INPP5E: variants seen among roughly 807,000 people sequenced by gnomAD.
INPP5E encodes inositol polyphosphate-5-phosphatase E, also known as phosphatidylinositol polyphosphate 5-phosphatase type IV.
In INPP5E, 34 loss-of-function variants were observed where a neutral mutation model predicts 50.5. That is an observed-to-expected ratio of 0.67 (90% CI 0.51 to 0.90). INPP5E has a LOEUF of 0.90. Among genes scored for constraint, INPP5E ranks in the 40% least tolerant of loss-of-function variants. INPP5E has a pLI of 0.00. For missense variants in INPP5E, 942 were observed against 905.5 expected, an observed-to-expected ratio of 1.04 and a Z score of -0.52; for synonymous variants, 447 against 406.0, an observed-to-expected ratio of 1.10 and a Z score of -1.21.
At chr9:136,437,254 A>T (rs549426588) in intron 1 of INPP5E, 1 of 152,280 alleles carries the variant, frequency 6.6e-6, no homozygotes, top group Non-Finnish European at 1.5e-5. Flanking sequence ...TGAGCTGAAC[A>T]GTGATCCCCA....
intron 2 of INPP5E, among the ~76,000 whole-genome samples, 185 bp downstream of exon 2, chr9:136,434,554 GA>G (rs1185204145): frequency 6.6e-6 from 1 of 152,142 alleles, no homozygotes; most frequent in Admixed American, 6.5e-5. Context: ...GTGCAGGTGG[GA>G]GCTCTGGGGG....
rs1835914150 is a variant in INPP5E, at chr9:136,438,958, C to T, written c.462G>A (p.Pro154=). ...CAGAGAGAGGGTTACCCCCCGAGGA[C>T]GGGCTCCCTCTCTCACTGCTCAGGA... ...RGVLSSERGS[P]SSGGNPLSGV... Residue 154 remains proline (P), a synonymous_variant, in exon 1 of 10, where the codon CCG becomes CCA. Coordinates refer to ENST00000371712, the MANE Select transcript of INPP5E (RefSeq NM_019892.6). 1.9e-5 allele frequency: 30 copies of T among 1,571,900 alleles called. No homozygotes were observed. The highest frequency in any genetic ancestry group is 2.5e-5 in the Non-Finnish European group (29 of 1,159,034).
At chr9:136,433,308 G>T in intron 3 of INPP5E, 29 bp from the exon 4 acceptor site, 1 of 1,558,806 alleles carries the variant, frequency 6.4e-7, no homozygotes, top group South Asian at 1.2e-5. Flanking sequence ...GGCCGGCTGG[G>T]GGACATGGCC....
intron 9 of INPP5E, 47 bp from the exon 10 acceptor site, chr9:136,429,854 A>C: frequency 2.3e-6 from 3 of 1,281,340 alleles, no homozygotes; most frequent in East Asian, 3.0e-5. Context: ...GGCCAGGAGG[A>C]GGGGGCGTTA....
At chr9:136,430,090 C>T (rs1835664088) in intron 9 of INPP5E, among the ~76,000 whole-genome samples, 187 bp downstream of exon 9, 1 of 152,230 alleles carries the variant, frequency 6.6e-6, no homozygotes, top group African/African-American at 2.4e-5. Flanking sequence ...CTTCACTTTC[C>T]AGAGCCTCTC....
In INPP5E at chr9:136,438,756, G is replaced by A; in HGVS notation, c.664C>T (p.Arg222Cys). The A allele has an allele frequency of 6.2e-7, 1 of 1,611,598 alleles. No individual in the cohort carries two copies. Among genetic ancestry groups the A allele is most frequent in the South Asian group, 1.1e-5 (1 of 91,006 alleles). The change falls in exon 1 of 10, where the codon CGC becomes TGC. Residue 222 changes from arginine to cysteine, a missense_variant. By Grantham distance (180) the Arg-to-Cys change is radical. Transcript: ENST00000371712. ...VDSDLADYKL[R>C]AQPLLVRAHS... is the part of the protein sequence containing the mutation. Reference sequence around the variant, plus strand: ...GCCCGCACCAGGAGCGGCTGCGCGCGGAGCTTGTAGTCTGCAAGATCCGAG... The same window carrying A: ...GCCCGCACCAGGAGCGGCTGCGCGCAGAGCTTGTAGTCTGCAAGATCCGAG...
chr9:136,437,135 G>A (rs1008320370), intron 1 of INPP5E: 2 of 152,258 alleles, frequency 1.3e-5, no homozygotes, highest in African/African-American at 4.8e-5. Flanking sequence ...ATGACAGGAG[G>A]AGAGTATGGT....
chr9:136,439,355 G>C lies in INPP5E; in HGVS notation c.65C>G (p.Thr22Arg), dbSNP rs556184252. The C allele has an allele frequency of 2.3e-5, 33 of 1,444,362 alleles. No individual in the cohort carries two copies. The African/African-American group carries it at 4.6e-4, about 20-fold the overall frequency. 89.5% of individuals were successfully genotyped at this position (1,444,362 alleles called of 1,614,324 possible). Residue 22 changes from threonine (T) to arginine (R), a missense_variant, in exon 1 of 10, where the codon ACG becomes AGG. Physicochemically the swap from Thr to Arg is moderately conservative, Grantham distance 71 (BLOSUM62 -1). Transcript: ENST00000371712. ...EPAPQPPEGR[T>R]LQGQLPGAPP... ...AGCGCCGGGAAGCTGTCCTTGGAGCGTCCTCCCTTCCGGCGGCTGCGGGGC... is the reference window on the plus strand; with the variant it reads ...AGCGCCGGGAAGCTGTCCTTGGAGCCTCCTCCCTTCCGGCGGCTGCGGGGC...
rs778722047 is a variant in INPP5E, at chr9:136,438,814, G to A, written c.606C>T (p.Ala202=). Residue 202 remains alanine (A), a synonymous_variant, in exon 1 of 10, where the codon GCC becomes GCT. Coordinates refer to ENST00000371712, the MANE Select transcript of INPP5E (RefSeq NM_019892.6). ...RPPPALSLDI[A]SDSLRTANKV... The stretch of plus-strand genomic sequence containing the variant: ...TGTTTGCTGTCCTCAGGGAGTCGGA[G>A]GCGATGTCCAGGCTCAGGGCAGGCG... 7 of 1,612,032 alleles carry A rather than the reference G, an allele frequency of 4.3e-6. No individual in the cohort carries two copies. Among genetic ancestry groups the A allele is most frequent in the South Asian group, 2.2e-5 (2 of 91,028 alleles).
At position 136,434,278 on chromosome 9, in the gene INPP5E, G is replaced by A. The variant is rs141584583; in HGVS notation, c.937-144C>T. The A allele has an allele frequency of 2.3e-4, 154 of 659,354 alleles. No homozygotes were observed. In the African/African-American group the frequency reaches 2.5e-3, roughly 11 times the overall value. 40.8% of individuals were successfully genotyped at this position (659,354 alleles called of 1,614,324 possible). A position where few individuals can be genotyped will look rare whatever the true frequency, so the allele number is the denominator to read the frequency against. The stretch of plus-strand genomic sequence containing the variant: ...CCAGGGCCAAAAAGGGAGCTGCCCG[G>A]TCTCCGAGGCAGCCTCTGACACACC... On this transcript the variant is annotated intron_variant, in intron 2 of 9. Coordinates refer to ENST00000371712, the MANE Select transcript of INPP5E (RefSeq NM_019892.6).
At chr9:136,430,493 T>G in intron 8 of INPP5E, 80 bp from the exon 9 acceptor site, 4 of 1,509,386 alleles carry the variant, frequency 2.7e-6, no homozygotes, top group Non-Finnish European at 3.6e-6. Context: ...TCCCTGCTGT[T>G]CTCAAGCGCC....
At chr9:136,436,852 TGGAAATGGGAA>T (rs1835843555) in intron 1 of INPP5E, 1 of 152,212 alleles carries the variant, frequency 6.6e-6, no homozygotes, top group African/African-American at 2.4e-5. Context: ...ACCGGAGGTC[TGGAAATGGGAA>T]GCTGTTAGGC....
At chr9:136,430,113 TCTC>T (rs769679427) in intron 9 of INPP5E, among the ~76,000 whole-genome samples, 161 bp downstream of exon 9, 4 of 152,062 alleles carry the variant, frequency 2.6e-5, no homozygotes, top group Non-Finnish European at 5.9e-5. Flanking sequence ...CTTCCTGCCT[TCTC>T]CTGCTCCAGG....
chr9:136,438,808 G>A lies in INPP5E; in HGVS notation c.612C>T (p.Asp204=). 6.2e-7 allele frequency: 1 copy of A among 1,612,106 alleles called. No individual in the cohort carries two copies. Among genetic ancestry groups the A allele is most frequent in the Non-Finnish European group, 8.5e-7 (1 of 1,179,672 alleles). Residue 204 remains aspartate (D), a synonymous_variant, in exon 1 of 10, where the codon GAC becomes GAT. Transcript: ENST00000371712. Reference sequence around the variant, plus strand: ...CGACCTTGTTTGCTGTCCTCAGGGAGTCGGAGGCGATGTCCAGGCTCAGGG... The same window carrying A: ...CGACCTTGTTTGCTGTCCTCAGGGAATCGGAGGCGATGTCCAGGCTCAGGG... ...PPALSLDIAS[D]SLRTANKVDS...
In INPP5E at chr9:136,429,154, A is replaced by C; in HGVS notation, c.*521T>G. 1 of 203,286 alleles carries C rather than the reference A, an allele frequency of 4.9e-6. No homozygotes were observed. The highest frequency in any genetic ancestry group is 1.0e-5 in the Non-Finnish European group (1 of 98,108). 12.6% of individuals were successfully genotyped at this position (203,286 alleles called of 1,614,324 possible). ...CTTCCTCAGCTGGGCTCTGGGGCCCACTCAGAGGTCTGAGGCCCCAGGGGT... is the reference window on the plus strand; with the variant it reads ...CTTCCTCAGCTGGGCTCTGGGGCCCCCTCAGAGGTCTGAGGCCCCAGGGGT... On this transcript the variant is annotated 3_prime_UTR_variant, in exon 10 of 10. Coordinates refer to ENST00000371712, the MANE Select transcript of INPP5E (RefSeq NM_019892.6).
Position 136,439,085 on chromosome 9 carries a change from G to C in INPP5E, c.335C>G (p.Ser112Cys), listed in dbSNP as rs1295932398. Residue 112 changes from serine (S) to cysteine (C), a missense_variant, in exon 1 of 10, where the codon TCC (serine) becomes TGC (cysteine). Coordinates refer to ENST00000371712, the MANE Select transcript of INPP5E (RefSeq NM_019892.6). ...DLEARNGTSPSRGSVQSEGPG... is the reference protein window; with the variant it reads ...DLEARNGTSPCRGSVQSEGPG... The stretch of plus-strand genomic sequence containing the variant: ...GCCCTCGCTCTGCACTGAGCCCCTG[G>C]AGGGACTGGTCCCATTCCGGGCTTC... The C allele has an allele frequency of 6.3e-7, 1 of 1,575,192 alleles. No individual in the cohort carries two copies. The highest frequency in any genetic ancestry group is 8.6e-7 in the Non-Finnish European group (1 of 1,161,574).
Position 136,434,760 on chromosome 9 carries a change from A to C in INPP5E, c.916T>G (p.Trp306Gly). The change falls in exon 2 of 10, where the codon TGG (tryptophan) becomes GGG (glycine). Residue 306 changes from tryptophan (W) to glycine (G), a missense_variant. Coordinates refer to ENST00000371712, the MANE Select transcript of INPP5E (RefSeq NM_019892.6). Reference protein sequence around the residue: ...DRNVALFVATWNMQGQKELPP... With the variant: ...DRNVALFVATGNMQGQKELPP... ...CTCACCTTCTGGCCCTGCATGTTCC[A>C]GGTGGCCACGAAGAGTGCCACGTTC... The C allele has an allele frequency of 6.2e-6, 10 of 1,602,250 alleles. No homozygotes were observed. The highest frequency in any genetic ancestry group is 7.7e-6 in the Non-Finnish European group (9 of 1,175,516).
rs745845949 is a variant in INPP5E at position 136,438,663 on chromosome 9, C to T, written c.757G>A (p.Ala253Thr). Residue 253 changes from alanine to threonine, a missense_variant, in exon 1 of 10, where the codon GCC becomes ACC. Transcript: ENST00000371712. ...LACDDCSLRS[A>T]KSSFSLLAPI... ...GCCAGGAGGCTGAAGGAGGATTTGGCCGAGCGAAGGGAACAGTCGTCGCAG... is the reference window on the plus strand; with the variant it reads ...GCCAGGAGGCTGAAGGAGGATTTGGTCGAGCGAAGGGAACAGTCGTCGCAG... 1.3e-6 allele frequency: 2 copies of T among 1,587,026 alleles called. No individual in the cohort carries two copies. The highest frequency in any genetic ancestry group is 1.8e-5 in the Admixed American group (1 of 55,676).
intron 3 of INPP5E, 120 bp from the exon 4 acceptor site, chr9:136,433,399 G>A (rs1835759628): frequency 2.2e-6 from 3 of 1,394,980 alleles, no homozygotes; most frequent in Non-Finnish European, 1.9e-6. Context: ...TGGCCTTGGT[G>A]TCTTGCGCGG....
Sources: gnomAD v4.1 joint callset for allele counts (sites outside exome capture counted in the v4.1 genomes callset) on GRCh38, gnomAD v4.1.1 for gene constraint, MANE v1.5 for transcripts, NCBI Gene and HGNC (gene_info 2026-07-23, HGNC 2026-07-21) for gene names.